Variants in LSAMP observed in about 807,000 individuals in gnomAD.
LSAMP encodes the protein limbic system associated membrane protein.
LSAMP carries 7 observed loss-of-function variants against 38.6 expected under a neutral mutation model. The ratio of observed to expected loss-of-function variants is 0.18; its 90% CI spans 0.10 to 0.34. The LOEUF (loss-of-function observed/expected upper bound fraction) is 0.34. Ranked by LOEUF, LSAMP falls within the 10% of genes least tolerant of loss-of-function variation. LSAMP has a pLI of 1.00. For synonymous variants in LSAMP, 154 were observed against 166.8 expected (o/e 0.92, Z 0.59); for missense variants, 313 against 420.0 (o/e 0.75, Z 2.23).
chr3:116,178,096 C>CGTGT (rs10662261), intron 1 of LSAMP, among the ~76,000 whole-genome samples: 2,095 of 150,120 alleles, frequency 0.014, 24 homozygotes, highest in African/African-American at 0.036. Context: ...GTCTTGTGTA[C>CGTGT]GTGTGTGTGT....
intron 3 of LSAMP, among the ~76,000 whole-genome samples, chr3:115,919,349 T>C (rs1047131374): frequency 1.3e-5 from 2 of 152,154 alleles, no homozygotes; most frequent in Non-Finnish European, 2.9e-5. Context: ...AATAACTAGA[T>C]AGCTTCTCAA....
At chr3:116,405,167 G>T (rs954743044) in intron 1 of LSAMP, among the ~76,000 whole-genome samples, 15 of 152,078 alleles carry the variant, frequency 9.9e-5, no homozygotes, top group African/African-American at 3.4e-4. Flanking sequence ...GGTACTGACC[G>T]CAATACTTCT....
In LSAMP at chr3:115,872,330, T is replaced by C. The variant is rs142324508; in HGVS notation, c.515-19713A>G. Among the ~76,000 whole-genome samples the C allele has an allele frequency of 8.2e-3, 1,244 of 152,280 alleles. 17 individuals carry two copies. The highest frequency in any genetic ancestry group is 0.028 in the African/African-American group (1,159 of 41,572). ...ATCTAAATCACTTATCCTTTAGTTG[T>C]TATAACTACTTCAAGAGTCCTCTGG... On this transcript the variant is annotated intron_variant, in intron 3 of 6. Coordinates refer to ENST00000490035, the MANE Select transcript of LSAMP (RefSeq NM_002338.5).
chr3:116,247,687 C>A (rs775486742), intron 1 of LSAMP, among the ~76,000 whole-genome samples: 1 of 152,152 alleles, frequency 6.6e-6, no homozygotes, highest in African/African-American at 2.4e-5. Flanking sequence ...AAATACCAAA[C>A]TGAATTTTGG....
At chr3:115,864,862 T>C (rs1478507198) in intron 3 of LSAMP, among the ~76,000 whole-genome samples, 1 of 152,224 alleles carries the variant, frequency 6.6e-6, no homozygotes, top group African/African-American at 2.4e-5. Context: ...CTAATATAAA[T>C]AGCACAGAAC....
intron 3 of LSAMP, among the ~76,000 whole-genome samples, chr3:115,999,449 A>G (rs1355099423): frequency 6.6e-6 from 1 of 152,104 alleles, no homozygotes; most frequent in Non-Finnish European, 1.5e-5. Context: ...GCTCCTGCAG[A>G]GCTAATATGT....
At chr3:115,903,981 A>G (rs1415532875) in intron 3 of LSAMP, among the ~76,000 whole-genome samples, 2 of 152,172 alleles carry the variant, frequency 1.3e-5, no homozygotes, top group African/African-American at 4.8e-5. Context: ...CAGATAAATG[A>G]CACATTACTG....
At chr3:116,178,553 G>A (rs1166799919) in intron 1 of LSAMP, among the ~76,000 whole-genome samples, 1 of 152,136 alleles carries the variant, frequency 6.6e-6, no homozygotes, top group East Asian at 1.9e-4. Flanking sequence ...AACATACAGA[G>A]AGAGTAGAAG....
intron 2 of LSAMP, among the ~76,000 whole-genome samples, chr3:116,048,150 T>G (rs956914007): frequency 2.6e-5 from 4 of 152,226 alleles, no homozygotes; most frequent in Non-Finnish European, 4.4e-5. Flanking sequence ...AATACAACTA[T>G]CTGGGTAGCA....
intron 3 of LSAMP, among the ~76,000 whole-genome samples, chr3:116,009,892 G>T (rs1280137217): frequency 6.6e-6 from 1 of 152,024 alleles, no homozygotes; most frequent in Admixed American, 6.6e-5. Flanking sequence ...TAAGAAATTT[G>T]CAATAGACAT....
At chr3:116,247,241 C>G (rs1186891471) in intron 1 of LSAMP, among the ~76,000 whole-genome samples, 2 of 152,160 alleles carry the variant, frequency 1.3e-5, no homozygotes, top group Non-Finnish European at 2.9e-5. Context: ...GTCCCTACCT[C>G]TGTATTGTGC....
intron 1 of LSAMP, among the ~76,000 whole-genome samples, chr3:116,280,130 T>G (rs1243628241): frequency 6.6e-6 from 1 of 152,068 alleles, no homozygotes; most frequent in Non-Finnish European, 1.5e-5. Flanking sequence ...TCAGAAACAT[T>G]TACACCATGA....
rs78411159 is a variant in LSAMP, at chr3:115,820,816, G to T, written c.920-10402C>A. On this transcript the variant is annotated intron_variant, in intron 6 of 6. Coordinates refer to ENST00000490035, the MANE Select transcript of LSAMP (RefSeq NM_002338.5). ...TTACCCTAGATAAGATTCTAGAGAG[G>T]GGAGATTCTATTTTCTTTTTAGAAC... Among the ~76,000 whole-genome samples, 786 of 152,204 alleles carry T rather than the reference G, an allele frequency of 5.2e-3. 10 individuals carry two copies. Among genetic ancestry groups the T allele is most frequent in the African/African-American group, 0.016 (666 of 41,526 alleles).
chr3:116,256,892 A>C (rs2046758184), intron 1 of LSAMP, among the ~76,000 whole-genome samples: 1 of 152,164 alleles, frequency 6.6e-6, no homozygotes, highest in South Asian at 2.1e-4. Flanking sequence ...ACAGTCACAA[A>C]AATCAAGTCC....
chr3:116,196,489 T>C (rs1710885049), intron 1 of LSAMP, among the ~76,000 whole-genome samples: 1 of 152,194 alleles, frequency 6.6e-6, no homozygotes, highest in Non-Finnish European at 1.5e-5. Flanking sequence ...AAGTAGATCA[T>C]AACTAGTAAT....
intron 2 of LSAMP, among the ~76,000 whole-genome samples, chr3:116,044,817 A>G (rs1017108146): frequency 6.6e-6 from 1 of 152,172 alleles, no homozygotes; most frequent in Non-Finnish European, 1.5e-5. Context: ...AGAGGTGAGC[A>G]TGGGGAGCTC....
At position 115,806,906 on chromosome 3, in the gene LSAMP, A is replaced by G. The variant is rs374785885; in HGVS notation, c.*3411T>C. The G allele has an allele frequency of 2.6e-5, 4 of 152,224 alleles. No individual in the cohort carries two copies. The highest frequency in any genetic ancestry group is 4.4e-5 in the Non-Finnish European group (3 of 68,034). The allele number at this position is 152,224 out of a possible 1,614,324, so 9.4% of individuals were successfully genotyped here. A position where few individuals can be genotyped will look rare whatever the true frequency, so the allele number is the denominator to read the frequency against. On this transcript the variant is annotated 3_prime_UTR_variant, in exon 7 of 7. Coordinates refer to ENST00000490035, the MANE Select transcript of LSAMP (RefSeq NM_002338.5). ...AAGCCCTGGATAGTTCTCATTCTTC[A>G]GGAAGCACCCTGGGTCAAAGTCATT...
At chr3:116,292,199 T>C (rs1336055870) in intron 1 of LSAMP, among the ~76,000 whole-genome samples, 2 of 152,174 alleles carry the variant, frequency 1.3e-5, no homozygotes, top group Non-Finnish European at 2.9e-5. Flanking sequence ...TAGGAAATAA[T>C]ATCACACTGA....
At chr3:116,393,863 T>G (rs1035505438) in intron 1 of LSAMP, among the ~76,000 whole-genome samples, 9 of 152,186 alleles carry the variant, frequency 5.9e-5, no homozygotes, top group African/African-American at 1.9e-4. Context: ...TCAAGGTTGG[T>G]GGCATTAAGA....
Sources: allele counts gnomAD v4.1 joint callset (sites outside exome capture counted in the v4.1 genomes callset), GRCh38; gene constraint gnomAD v4.1.1; transcripts MANE v1.5; gene names NCBI Gene and HGNC (gene_info 2026-07-23, HGNC 2026-07-21).